SLC9A1: variants seen among roughly 807,000 people sequenced by gnomAD.
The protein encoded by SLC9A1 is solute carrier family 9 member A1.
In SLC9A1, 22 loss-of-function variants were observed where a neutral mutation model predicts 67.9. The observed-to-expected ratio is 0.32, with a 90% CI of 0.23 to 0.46. The LOEUF (loss-of-function observed/expected upper bound fraction) is 0.46. Among genes scored for constraint, SLC9A1 ranks in the 20% least tolerant of loss-of-function variants. The pLI is 1.00. For missense variants in SLC9A1, 686 were observed against 1,094.8 expected (o/e 0.63, Z 5.27); for synonymous variants, 421 against 471.8 (o/e 0.89, Z 1.40).
chr1:27,154,517 T>C lies in SLC9A1; in HGVS notation c.-183A>G. 1.9e-6 allele frequency: 1 copy of C among 516,636 alleles called. No individual in the cohort carries two copies. The highest frequency in any genetic ancestry group is 3.4e-6 in the Non-Finnish European group (1 of 293,314). The allele number at this position is 516,636 out of a possible 1,614,324, so 32.0% of individuals were successfully genotyped here. On this transcript the variant is annotated 5_prime_UTR_variant, in exon 1 of 12. Coordinates refer to ENST00000263980, the MANE Select transcript of SLC9A1 (RefSeq NM_003047.5). ...GTGGAGGGAGGCTGGGTTTGCAATC[T>C]GGAACTCCAAAGTGGGGAAAGGGGG...
At chr1:27,131,947 A>AAAATATATATATATATAT in intron 1 of SLC9A1, among the ~76,000 whole-genome samples, 6 of 52,120 alleles carry the variant, frequency 1.2e-4, no homozygotes, top group South Asian at 6.2e-4. Flanking sequence ...AGAAAAAAAA[A>AAAATATATATATATATAT]ATATATATAT....
Position 27,100,378 on chromosome 1 carries a change from G to A in SLC9A1, c.2377C>T (p.Arg793Cys), listed in dbSNP as rs1181817557. The change falls in exon 12 of 12, where the codon CGC becomes TGC. Residue 793 changes from arginine (R) to cysteine (C), a missense_variant. By Grantham distance (180) the Arg-to-Cys change is radical. Transcript: ENST00000263980. The surrounding 1 kb of genome is among the most constrained non-coding windows in gnomAD (Gnocchi z 5.6). ...SDSPSSQRIQ[R>C]CLSDPGPHPE... ...TGTGGGCCTGGGTCACTGAGGCAGC[G>A]CTGTATCCTCTGGGAGCTGGGGCTG... The A allele has an allele frequency of 1.3e-6, 2 of 1,589,362 alleles. No individual in the cohort carries two copies. Among genetic ancestry groups the A allele is most frequent in the African/African-American group, 1.3e-5 (1 of 74,702 alleles).
At chr1:27,102,882 C>T (rs1052428426) in intron 6 of SLC9A1, 139 bp from the exon 7 acceptor site, 7 of 744,406 alleles carry the variant, frequency 9.4e-6, no homozygotes, top group Non-Finnish European at 1.6e-5. Flanking sequence ...CAGGAGGTGG[C>T]GCCCACACTC....
intron 1 of SLC9A1, among the ~76,000 whole-genome samples, chr1:27,121,395 C>A (rs1358478603): frequency 2.0e-5 from 3 of 152,206 alleles, no homozygotes; most frequent in African/African-American, 7.2e-5. Flanking sequence ...TAACCATGAG[C>A]TTTGCGTAAA....
At chr1:27,134,972 G>A (rs1480577649) in intron 1 of SLC9A1, among the ~76,000 whole-genome samples, 2 of 151,700 alleles carry the variant, frequency 1.3e-5, no homozygotes, top group African/African-American at 2.4e-5. Context: ...CCTGACCTCA[G>A]GTGATCTGCC....
In SLC9A1 at chr1:27,106,230, G is replaced by C. The variant is rs1282198885; in HGVS notation, c.1283-143C>G. The C allele has an allele frequency of 1.6e-6, 1 of 637,034 alleles. No homozygotes were observed. Among genetic ancestry groups the C allele is most frequent in the Non-Finnish European group, 2.8e-6 (1 of 356,098 alleles). The allele number at this position is 637,034 out of a possible 1,614,324, so 39.5% of individuals were successfully genotyped here. A position where few individuals can be genotyped will look rare whatever the true frequency, so the allele number is the denominator to read the frequency against. On this transcript the variant is annotated intron_variant, in intron 4 of 11. Transcript: ENST00000263980. The surrounding 1 kb of genome is among the most constrained non-coding windows in gnomAD (Gnocchi z 4.3). ...GCTCACTCAATTCCTGGGTCCCTCA[G>C]CCCAGAGTGCTCTGAACTCCTCAAT...
At chr1:27,120,122 T>TTTTTGTTTTG (rs371754030) in intron 1 of SLC9A1, among the ~76,000 whole-genome samples, 51 of 151,542 alleles carry the variant, frequency 3.4e-4, no homozygotes, top group African/African-American at 1.1e-3. Flanking sequence ...TGGGAGGTTT[T>TTTTTGTTTTG]TTTTGTTTTG....
chr1:27,150,107 T>C (rs985466419), intron 1 of SLC9A1, among the ~76,000 whole-genome samples: 11 of 152,206 alleles, frequency 7.2e-5, no homozygotes, highest in Non-Finnish European at 1.5e-4. Context: ...TTTAGGCTAT[T>C]TGTTCTTCTC....
At chr1:27,102,875 G>T in intron 6 of SLC9A1, 132 bp from the exon 7 acceptor site, 1 of 798,340 alleles carries the variant, frequency 1.3e-6, no homozygotes, top group African/African-American at 1.7e-5. Context: ...GAGCAGCCAG[G>T]AGGTGGCGCC....
chr1:27,155,109 C>A lies in SLC9A1; in HGVS notation c.-775G>T, dbSNP rs1386095780. Among the ~76,000 whole-genome samples, 1 of 152,074 alleles carries A rather than the reference C, an allele frequency of 6.6e-6. No homozygotes were observed. On this transcript the variant is annotated 5_prime_UTR_variant, in exon 1 of 12. Coordinates refer to ENST00000263980, the MANE Select transcript of SLC9A1 (RefSeq NM_003047.5). This position sits in a 1 kb window ranked among gnomAD's most constrained non-coding sequence, Gnocchi z 4.5. ...CTCCAGAACTAACCCTAGCCCCGGC[C>A]CCGGCGGCAGCAGACTGAAGCCTAG...
chr1:27,154,307 G>A lies in SLC9A1; in HGVS notation c.28C>T (p.Leu10Phe), dbSNP rs773554049. Residue 10 changes from leucine to phenylalanine, a missense_variant, in exon 1 of 12, where the codon CTC becomes TTC. By Grantham distance (22) the Leu-to-Phe change is conservative. This residue lies in a region of SLC9A1 where 143 missense variants were observed against 166.7 expected (regional missense o/e 0.86). Transcript: ENST00000263980. Reference protein sequence around the residue: MVLRSGICGLSPHRIFPSLL... With the variant: MVLRSGICGFSPHRIFPSLL... ...GAAGGGAAGATCCGATGTGGAGAGAGGCCACAGATGCCAGACCGCAGAACC... is the reference window on the plus strand; with the variant it reads ...GAAGGGAAGATCCGATGTGGAGAGAAGCCACAGATGCCAGACCGCAGAACC... 2.2e-5 allele frequency: 35 copies of A among 1,602,198 alleles called. No homozygotes were observed. The highest frequency in any genetic ancestry group is 2.7e-5 in the Non-Finnish European group (32 of 1,172,816).
intron 1 of SLC9A1, among the ~76,000 whole-genome samples, chr1:27,123,486 A>G (rs1282831835): frequency 2.0e-5 from 3 of 151,360 alleles, no homozygotes; most frequent in African/African-American, 7.3e-5. Context: ...TATAATTATT[A>G]TCCACTTTTT....
chr1:27,112,814 G>A (rs918339608), intron 2 of SLC9A1, among the ~76,000 whole-genome samples: 1 of 150,974 alleles, frequency 6.6e-6, no homozygotes, highest in African/African-American at 2.4e-5. Flanking sequence ...AACCTGGGAG[G>A]CGGAGGTTGC....
chr1:27,122,494 GGC>G (rs2083310703), intron 1 of SLC9A1, among the ~76,000 whole-genome samples: 1 of 152,186 alleles, frequency 6.6e-6, no homozygotes, highest in Non-Finnish European at 1.5e-5. Context: ...AGGAGATGCT[GGC>G]ACACAGGCCT....
chr1:27,122,518 A>T lies in SLC9A1; in HGVS notation c.353-8232T>A, dbSNP rs376781539. On this transcript the variant is annotated intron_variant, in intron 1 of 11. Transcript: ENST00000263980. ...TGGCACACAGGCCTGACCCGGGCAGATCAAGGAAGGAACTGAGTCAAGGAG... is the reference window on the plus strand; with the variant it reads ...TGGCACACAGGCCTGACCCGGGCAGTTCAAGGAAGGAACTGAGTCAAGGAG... Among the ~76,000 whole-genome samples the T allele has an allele frequency of 4.8e-4, 73 of 152,302 alleles. 1 individual carries two copies. In the South Asian group the frequency reaches 0.015, roughly 31 times the overall value.
In SLC9A1 at chr1:27,101,239, C is replaced by A; in HGVS notation, c.2074G>T (p.Asp692Tyr). ...CGGGCCCGAGACATGGTGGGTGAGT[C>A]CAGCTTGTGGGCTGGCACCGTCAGG... ...NYLTVPAHKL[D>Y]SPTMSRARIG... The change falls in exon 11 of 12, where the codon GAC becomes TAC. Residue 692 changes from aspartate (D) to tyrosine (Y), a missense_variant. Asp to Tyr is a radical substitution (Grantham distance 160, BLOSUM62 -3). Around this residue, in one of 7 missense-constraint regions of SLC9A1, gnomAD observed 226 missense variants for 282.4 expected, o/e 0.80. Transcript: ENST00000263980. The surrounding 1 kb of genome is among the most constrained non-coding windows in gnomAD (Gnocchi z 4.9). The A allele has an allele frequency of 6.2e-7, 1 of 1,612,174 alleles. No homozygotes were observed. Among genetic ancestry groups the A allele is most frequent in the Non-Finnish European group, 8.5e-7 (1 of 1,179,958 alleles).
intron 1 of SLC9A1, among the ~76,000 whole-genome samples, chr1:27,131,439 C>CAAAAAAAAA (rs35954506): frequency 2.9e-4 from 8 of 27,488 alleles, no homozygotes; most frequent in East Asian, 1.1e-3. Flanking sequence ...ACTAAAAATA[C>CAAAAAAAAA]AAAAAAAAAA....
Position 27,100,156 on chromosome 1 carries a change from G to C in SLC9A1, c.*151C>G. The C allele has an allele frequency of 8.9e-6, 5 of 564,128 alleles. No individual in the cohort carries two copies. In the South Asian group the frequency reaches 1.1e-4, roughly 12 times the overall value. The allele number at this position is 564,128 out of a possible 1,614,324, so 34.9% of individuals were successfully genotyped here. A position where few individuals can be genotyped will look rare whatever the true frequency, so the allele number is the denominator to read the frequency against. On this transcript the variant is annotated 3_prime_UTR_variant, in exon 12 of 12. Transcript: ENST00000263980. The surrounding 1 kb of genome is among the most constrained non-coding windows in gnomAD (Gnocchi z 5.6). ...CCCGGGAGGCGGCAGGGGAGGAGCTGTGCTGGGGTGGGGGCTGTGGGCCCA... is the reference window on the plus strand; with the variant it reads ...CCCGGGAGGCGGCAGGGGAGGAGCTCTGCTGGGGTGGGGGCTGTGGGCCCA...
intron 1 of SLC9A1, among the ~76,000 whole-genome samples, chr1:27,152,833 G>A (rs750643045): frequency 2.0e-5 from 3 of 152,168 alleles, no homozygotes; most frequent in Non-Finnish European, 4.4e-5. Context: ...CTCAGCTCCT[G>A]CATGTCCTTG....
Sources: allele counts gnomAD v4.1 joint callset (sites outside exome capture counted in the v4.1 genomes callset), GRCh38; gene constraint gnomAD v4.1.1; regional missense constraint gnomAD v4.1.1; non-coding constraint Gnocchi (gnomAD v3.1); transcripts MANE v1.5; gene names NCBI Gene and HGNC (gene_info 2026-07-23, HGNC 2026-07-21).